The following CAPZB variants were observed in gnomAD, a reference collection of about 807,000 sequenced individuals.
CAPZB encodes capping actin protein of muscle Z-line subunit beta.
In CAPZB, 2 loss-of-function variants were observed where a neutral mutation model predicts 38.1. The observed-to-expected ratio is 0.05, with a 90% confidence interval of 0.02 to 0.17. The LOEUF (loss-of-function observed/expected upper bound fraction) is 0.17, where lower values mean the gene tolerates loss of function less well. Among genes scored for constraint, CAPZB ranks in the 10% least tolerant of loss-of-function variants. The probability of loss-of-function intolerance (pLI) is 1.00; values close to 1 mark genes in which losing one functional copy is unlikely to be tolerated. For synonymous variants in CAPZB, 107 were observed against 127.4 expected, an observed-to-expected ratio of 0.84 and a Z score of 1.08; for missense variants, 161 against 334.2, an observed-to-expected ratio of 0.48 and a Z score of 4.04.
chr1:19,393,035 AC>A (rs2094245719), intron 2 of CAPZB, among the ~76,000 whole-genome samples: 1 of 151,930 alleles, frequency 6.6e-6, no homozygotes, highest in African/African-American at 2.4e-5. Flanking sequence ...CCCCACCACC[AC>A]TACTTAGTGT....
At chr1:19,447,588 G>C (rs2094500952) in intron 1 of CAPZB, among the ~76,000 whole-genome samples, 1 of 152,076 alleles carries the variant, frequency 6.6e-6, no homozygotes, top group Non-Finnish European at 1.5e-5. Context: ...GAAACCACAA[G>C]ATCTATTTTT....
chr1:19,347,396 C>T (rs796311796), intron 6 of CAPZB, among the ~76,000 whole-genome samples: 5 of 152,134 alleles, frequency 3.3e-5, no homozygotes, highest in Admixed American at 2.0e-4. Context: ...CTGGCAAGTT[C>T]CCATCTACCA....
intron 4 of CAPZB, 38 bp downstream of exon 4, chr1:19,378,502 T>C (rs1260225547): frequency 8.4e-7 from 1 of 1,183,594 alleles, no homozygotes. Flanking sequence ...CTCTCAAAAC[T>C]CACAAGCGCT....
At chr1:19,384,452 T>C (rs2094193555) in intron 3 of CAPZB, among the ~76,000 whole-genome samples, 1 of 152,246 alleles carries the variant, frequency 6.6e-6, no homozygotes, top group African/African-American at 2.4e-5. Flanking sequence ...CAGGAAGCAT[T>C]CTGTTGAGTA....
chr1:19,443,224 C>CAA (rs60052942), intron 1 of CAPZB, among the ~76,000 whole-genome samples: 37 of 138,858 alleles, frequency 2.7e-4, no homozygotes, highest in Admixed American at 5.1e-4. Context: ...CCCATCTCTA[C>CAA]AAAAAAAAAA....
At chr1:19,367,064 T>C (rs1041511009) in intron 4 of CAPZB, among the ~76,000 whole-genome samples, 27 of 152,220 alleles carry the variant, frequency 1.8e-4, no homozygotes, top group African/African-American at 6.3e-4. Flanking sequence ...CTGGCTGCCA[T>C]CTAGCCAACT....
intron 1 of CAPZB, among the ~76,000 whole-genome samples, chr1:19,457,710 G>A (rs879069415): frequency 2.0e-5 from 3 of 152,176 alleles, no homozygotes. Flanking sequence ...GTTATGAATC[G>A]GCCTGACACT....
Position 19,339,082 on chromosome 1 carries a change from A to C in CAPZB, c.*448T>G. On this transcript the variant is annotated 3_prime_UTR_variant, in exon 9 of 9. Coordinates refer to ENST00000264202, the MANE Select transcript of CAPZB (RefSeq NM_004930.5). ...GTCCCCACGACCCCCAACCCCAAGC[A>C]ACTCCCAAACACACACGGAATAAGA... is the stretch of plus-strand genomic sequence containing the variant. 6.7e-6 allele frequency: 1 copy of C among 149,490 alleles called. No homozygotes were observed. The highest frequency in any genetic ancestry group is 1.4e-5 in the Non-Finnish European group (1 of 69,734). 9.3% of individuals were successfully genotyped at this position (149,490 alleles called of 1,614,324 possible). A position where few individuals can be genotyped will look rare whatever the true frequency, so the allele number is the denominator to read the frequency against.
At chr1:19,452,932 T>G (rs2094521520) in intron 1 of CAPZB, among the ~76,000 whole-genome samples, 1 of 151,320 alleles carries the variant, frequency 6.6e-6, no homozygotes, top group African/African-American at 2.4e-5. Flanking sequence ...GTCTCCCAAA[T>G]GGCTGGGATT....
chr1:19,395,276 T>C (rs772498310), intron 2 of CAPZB, among the ~76,000 whole-genome samples: 7 of 152,226 alleles, frequency 4.6e-5, no homozygotes, highest in South Asian at 4.1e-4. Context: ...GAAGCCATTT[T>C]TGACCAACAA....
intron 3 of CAPZB, among the ~76,000 whole-genome samples, chr1:19,384,890 G>A (rs1017475029): frequency 4.6e-5 from 7 of 152,058 alleles, no homozygotes; most frequent in African/African-American, 1.4e-4. Flanking sequence ...CTGTGCTACC[G>A]TCCCACCCTG....
chr1:19,411,933 C>T (rs967753049), intron 2 of CAPZB, among the ~76,000 whole-genome samples: 5 of 152,178 alleles, frequency 3.3e-5, no homozygotes, highest in Admixed American at 2.0e-4. Flanking sequence ...CGCCATCCTC[C>T]GGAGAGGCCA....
chr1:19,430,496 T>C (rs992716378), intron 1 of CAPZB, among the ~76,000 whole-genome samples: 7 of 152,248 alleles, frequency 4.6e-5, no homozygotes, highest in Non-Finnish European at 1.0e-4. Flanking sequence ...CCTGGCGAAA[T>C]GACAAAAATT....
intron 4 of CAPZB, among the ~76,000 whole-genome samples, chr1:19,377,589 G>T (rs895378524): frequency 2.6e-5 from 4 of 152,232 alleles, no homozygotes; most frequent in African/African-American, 4.8e-5. Context: ...AAACCAAGAA[G>T]CAGCAACAGA....
chr1:19,411,571 A>G (rs1404085326), intron 2 of CAPZB, among the ~76,000 whole-genome samples: 1 of 152,062 alleles, frequency 6.6e-6, no homozygotes, highest in Non-Finnish European at 1.5e-5. Flanking sequence ...GGCCCTACTA[A>G]TCTCTTTGGT....
chr1:19,448,899 G>A (rs1455082943), intron 1 of CAPZB: 1 of 1,612,890 alleles, frequency 6.2e-7, no homozygotes, highest in Non-Finnish European at 8.5e-7. Flanking sequence ...CCTGTATCCT[G>A]GAACTGCCTG....
intron 1 of CAPZB, among the ~76,000 whole-genome samples, chr1:19,452,577 A>G (rs202229645): frequency 6.6e-6 from 1 of 152,104 alleles, no homozygotes; most frequent in African/African-American, 2.4e-5. Flanking sequence ...CAGAGTCAGC[A>G]CGCCCAAATC....
intron 1 of CAPZB, among the ~76,000 whole-genome samples, chr1:19,432,871 TA>T (rs1297958611): frequency 1.3e-5 from 2 of 152,184 alleles, no homozygotes; most frequent in Admixed American, 1.3e-4. Flanking sequence ...CAAAATCAGA[TA>T]GGGGCAATGA....
At chr1:19,443,976 G>A (rs1294434935) in intron 1 of CAPZB, among the ~76,000 whole-genome samples, 1 of 152,152 alleles carries the variant, frequency 6.6e-6, no homozygotes, top group African/African-American at 2.4e-5. Flanking sequence ...ACTCTATTCA[G>A]GTGAAACCCT....
Sources: gnomAD v4.1 joint callset for allele counts (sites outside exome capture counted in the v4.1 genomes callset) on GRCh38, gnomAD v4.1.1 for gene constraint, MANE v1.5 for transcripts, NCBI Gene and HGNC (gene_info 2026-07-23, HGNC 2026-07-21) for gene names.